Variants in SNX25 observed in about 807,000 individuals in gnomAD.
The protein encoded by SNX25 is sorting nexin-25.
In SNX25, 62 loss-of-function variants were observed where a neutral mutation model predicts 113.7. That is an observed-to-expected ratio of 0.55 (90% CI 0.44 to 0.67). The LOEUF (loss-of-function observed/expected upper bound fraction) is 0.67, where lower values mean the gene tolerates loss of function less well. Ranked by LOEUF, SNX25 falls within the 30% of genes least tolerant of loss-of-function variation. The pLI is 0.00. For synonymous variants in SNX25, 421 were observed against 436.2 expected, an observed-to-expected ratio of 0.97 and a Z score of 0.43; for missense variants, 1,014 against 1,161.0, an observed-to-expected ratio of 0.87 and a Z score of 1.84.
chr4:185,233,237 A>G (rs1035760183), intron 1 of SNX25, among the ~76,000 whole-genome samples: 5 of 152,110 alleles, frequency 3.3e-5, no homozygotes, highest in African/African-American at 1.2e-4. Context: ...GTGAGCCAAG[A>G]TGGCACCACT....
intron 1 of SNX25, among the ~76,000 whole-genome samples, chr4:185,234,512 C>G (rs1742333478): frequency 2.6e-5 from 1 of 37,944 alleles, no homozygotes; most frequent in South Asian, 9.7e-4. Flanking sequence ...GAAACCCCGT[C>G]TCTACTAAAA....
chr4:185,227,910 C>T (rs780657572), intron 1 of SNX25, among the ~76,000 whole-genome samples: 48 of 151,980 alleles, frequency 3.2e-4, no homozygotes, highest in African/African-American at 9.4e-4. Context: ...CGAGTCCAAG[C>T]GCAGGCAAGG....
At position 185,210,692 on chromosome 4, in the gene SNX25, T is replaced by G. The variant is rs1418499209; in HGVS notation, c.429+437T>G. Among the ~76,000 whole-genome samples, 1 of 151,884 alleles carries G rather than the reference T, an allele frequency of 6.6e-6. No individual in the cohort carries two copies. Among genetic ancestry groups the G allele is most frequent in the Non-Finnish European group, 1.5e-5 (1 of 67,950 alleles). On this transcript the variant is annotated intron_variant, in intron 1 of 18. Coordinates refer to ENST00000652585, the MANE Select transcript of SNX25 (RefSeq NM_001378034.2). This position sits in a 1 kb window ranked among gnomAD's most constrained non-coding sequence, Gnocchi z 4.4. Reference sequence around the variant, plus strand: ...AGGCAACTTTATGACCGTTTGCCGATGAGGAAACTTGCTTCGGTCCCTGGC... The same window carrying G: ...AGGCAACTTTATGACCGTTTGCCGAGGAGGAAACTTGCTTCGGTCCCTGGC...
At chr4:185,372,989 G>T, downstream of SNX25, 2 of 1,613,914 alleles carry the variant, frequency 1.2e-6, no homozygotes, top group South Asian at 1.1e-5. Flanking sequence ...GTATCCTGCC[G>T]GATGCCTTGT....
At chr4:185,281,898 C>T (rs968390114) in intron 5 of SNX25, among the ~76,000 whole-genome samples, 1 of 152,018 alleles carries the variant, frequency 6.6e-6, no homozygotes, top group African/African-American at 2.4e-5. Context: ...CACCTGTAAT[C>T]CCAGCTATTC....
At chr4:185,245,182 TC>T (rs779829094) in intron 1 of SNX25, among the ~76,000 whole-genome samples, 16 of 152,118 alleles carry the variant, frequency 1.1e-4, no homozygotes, top group Non-Finnish European at 2.2e-4. Context: ...TTTTTTTCGT[TC>T]CAAACCAGTA....
intron 3 of SNX25, among the ~76,000 whole-genome samples, chr4:185,261,992 G>A (rs1281249617): frequency 1.3e-5 from 2 of 152,178 alleles, no homozygotes; most frequent in African/African-American, 2.4e-5. Flanking sequence ...CAGACAGTGA[G>A]TCCAGGTTTA....
chr4:185,205,038 G>A (rs1737125006), upstream of SNX25, among the ~76,000 whole-genome samples: 1 of 152,226 alleles, frequency 6.6e-6, no homozygotes, highest in African/African-American at 2.4e-5. Flanking sequence ...TAGGAAATAT[G>A]GGTCTTACCC....
chr4:185,265,667 C>CT (rs1231651473), intron 4 of SNX25, among the ~76,000 whole-genome samples: 1 of 152,036 alleles, frequency 6.6e-6, no homozygotes, highest in Non-Finnish European at 1.5e-5. Context: ...CTTACTATAA[C>CT]TTTTTTTACT....
intron 7 of SNX25, among the ~76,000 whole-genome samples, chr4:185,317,055 A>G (rs988328441): frequency 1.3e-5 from 2 of 151,590 alleles, no homozygotes; most frequent in Non-Finnish European, 2.9e-5. Flanking sequence ...AATGGGAGAA[A>G]GTTTTTGCAA....
chr4:185,254,779 G>C (rs1746169705), intron 2 of SNX25, among the ~76,000 whole-genome samples: 1 of 152,152 alleles, frequency 6.6e-6, no homozygotes, highest in African/African-American at 2.4e-5. Flanking sequence ...TTTGAGAGCA[G>C]TTCTAAAACT....
At position 185,216,407 on chromosome 4, in the gene SNX25, T is replaced by C. The variant is rs902523648; in HGVS notation, c.429+6152T>C. ...AGTCAGCATAAGATGAAGTTGTATATGAATAGTGATAACTTCAAAGTGTGA... is the reference window on the plus strand; with the variant it reads ...AGTCAGCATAAGATGAAGTTGTATACGAATAGTGATAACTTCAAAGTGTGA... On this transcript the variant is annotated intron_variant, in intron 1 of 18. Coordinates refer to ENST00000652585, the MANE Select transcript of SNX25 (RefSeq NM_001378034.2). 2.0e-5 allele frequency among the ~76,000 whole-genome samples: 3 copies of C among 151,990 alleles called. No homozygotes were observed. The South Asian group carries it at 6.2e-4, about 32-fold the overall frequency.
intron 3 of SNX25, 60 bp downstream of exon 3, chr4:185,259,124 G>A: frequency 6.9e-7 from 1 of 1,454,230 alleles, no homozygotes; most frequent in Non-Finnish European, 9.5e-7. Flanking sequence ...TTGAGTAAAA[G>A]GTCAAAGTCA....
At chr4:185,352,962 T>C (rs2095323196) in intron 14 of SNX25, 1 of 153,346 alleles carries the variant, frequency 6.5e-6, no homozygotes, top group South Asian at 2.0e-4. Context: ...CTCACACTCA[T>C]TTGCATTATC....
chr4:185,376,359 C>T, the SNX25 span, among the ~76,000 whole-genome samples: 3 of 152,058 alleles, frequency 2.0e-5, no homozygotes, highest in Admixed American at 6.5e-5. Context: ...CTCACTGCAA[C>T]CTCTGCCTCC....
downstream of SNX25, among the ~76,000 whole-genome samples, chr4:185,368,494 G>C (rs549772783): frequency 6.6e-6 from 1 of 151,964 alleles, no homozygotes; most frequent in African/African-American, 2.4e-5. Flanking sequence ...CCCTTCCTGC[G>C]GGACACTGCC....
chr4:185,273,839 CTT>C (rs932375613), intron 5 of SNX25, among the ~76,000 whole-genome samples: 2 of 152,154 alleles, frequency 1.3e-5, no homozygotes, highest in Non-Finnish European at 2.9e-5. Flanking sequence ...GGATTTCCTT[CTT>C]TGTTAAGGCT....
chr4:185,278,764 AAAG>A (rs1256457198), intron 5 of SNX25, among the ~76,000 whole-genome samples: 2 of 152,236 alleles, frequency 1.3e-5, no homozygotes, highest in African/African-American at 4.8e-5. Context: ...TCTGAATAAA[AAAG>A]CTTAATGTAA....
intron 1 of SNX25, among the ~76,000 whole-genome samples, chr4:185,224,509 A>C (rs1740599710): frequency 1.5e-5 from 2 of 132,130 alleles, no homozygotes; most frequent in South Asian, 2.2e-4. Flanking sequence ...ATAAATATAT[A>C]GATATATAAA....
Sources: gnomAD v4.1 joint callset for allele counts (sites outside exome capture counted in the v4.1 genomes callset) on GRCh38, gnomAD v4.1.1 for gene constraint, Gnocchi (gnomAD v3.1) non-coding constraint, MANE v1.5 for transcripts, NCBI Gene and HGNC (gene_info 2026-07-23, HGNC 2026-07-21) for gene names.